GCLC: variants seen among roughly 807,000 people sequenced by gnomAD.
GCLC encodes the protein glutamate-cysteine ligase catalytic subunit.
GCLC carries 30 observed loss-of-function variants against 81.5 expected under a neutral mutation model. The observed-to-expected ratio is 0.37, with a 90% CI of 0.28 to 0.50. GCLC has a LOEUF of 0.50. Ranked by LOEUF, GCLC falls within the 20% of genes least tolerant of loss-of-function variation. The pLI is 0.96. For synonymous variants in GCLC, 262 were observed against 273.3 expected, an observed-to-expected ratio of 0.96 and a Z score of 0.41; for missense variants, 556 against 777.4, an observed-to-expected ratio of 0.72 and a Z score of 3.39.
rs562596328 is a variant in GCLC, at chr6:53,536,160, A to G, written c.150+8336T>C. ...GATGGATCTCAAAATATTTATGTAG[A>G]CTCTAAGAAGGCAGACCAAAAGAGG... On this transcript the variant is annotated intron_variant, in intron 1 of 15. Coordinates refer to ENST00000650454, the MANE Select transcript of GCLC (RefSeq NM_001498.4). Among the ~76,000 whole-genome samples the G allele has an allele frequency of 5.9e-5, 9 of 152,334 alleles. No individual in the cohort carries two copies. The East Asian group carries it at 1.7e-3, about 29-fold the overall frequency.
At chr6:53,514,542 A>G (rs376071415) in intron 4 of GCLC, 45 bp from the exon 5 acceptor site, 3 of 1,361,866 alleles carry the variant, frequency 2.2e-6, no homozygotes, top group Admixed American at 1.7e-5. Context: ...CCTAAGAGTC[A>G]TCGTGTAAAA....
chr6:53,505,491 T>C lies in GCLC; in HGVS notation c.1296A>G (p.Gln432=), dbSNP rs1436498513. The change falls in exon 12 of 16, where the codon CAA becomes CAG. Residue 432 remains glutamine (Q), a synonymous_variant. Transcript: ENST00000650454. ...WRVEFRPMEV[Q]LTDFENSAYV... ...AGGCAGAGTTCTCAAAGTCTGTTAATTGCACCTAGACAAGCAGAAGCCCAG... is the reference window on the plus strand; with the variant it reads ...AGGCAGAGTTCTCAAAGTCTGTTAACTGCACCTAGACAAGCAGAAGCCCAG... The C allele has an allele frequency of 2.6e-6, 4 of 1,547,594 alleles. No homozygotes were observed. Among genetic ancestry groups the C allele is most frequent in the Non-Finnish European group, 3.6e-6 (4 of 1,119,510 alleles).
intron 1 of GCLC, among the ~76,000 whole-genome samples, chr6:53,537,416 T>C (rs1430057264): frequency 2.6e-5 from 4 of 152,356 alleles, no homozygotes; most frequent in Admixed American, 1.3e-4. Context: ...ATCTTTGTAA[T>C]GCCTATTAAG....
At chr6:53,524,840 A>C (rs898040033) in intron 1 of GCLC, among the ~76,000 whole-genome samples, 1 of 152,220 alleles carries the variant, frequency 6.6e-6, no homozygotes, top group Non-Finnish European at 1.5e-5. Flanking sequence ...ACTTTGAAAA[A>C]AATTGAAATC....
intron 3 of GCLC, among the ~76,000 whole-genome samples, chr6:53,517,524 G>C (rs1213394535): frequency 6.6e-6 from 1 of 152,010 alleles, no homozygotes; most frequent in African/African-American, 2.4e-5. Context: ...CAGCTACAAG[G>C]GTTCTTGAGA....
chr6:53,502,712 CTATTT>C (rs1764536351), intron 12 of GCLC, among the ~76,000 whole-genome samples: 1 of 152,086 alleles, frequency 6.6e-6, no homozygotes, highest in African/African-American at 2.4e-5. Context: ...AACTGTGTTG[CTATTT>C]TATATTATCT....
At chr6:53,540,504 G>A (rs954909958) in intron 1 of GCLC, among the ~76,000 whole-genome samples, 2 of 152,154 alleles carry the variant, frequency 1.3e-5, no homozygotes, top group Admixed American at 1.3e-4. Context: ...CAGGAGCTAG[G>A]TGGAGGGGAA....
chr6:53,522,964 G>C (rs1763023428), intron 1 of GCLC, among the ~76,000 whole-genome samples: 1 of 152,188 alleles, frequency 6.6e-6, no homozygotes, highest in African/African-American at 2.4e-5. Flanking sequence ...TACTGGCAGA[G>C]TAATAAGTAA....
intron 1 of GCLC, among the ~76,000 whole-genome samples, chr6:53,534,711 T>C (rs1399258254): frequency 6.6e-6 from 1 of 151,936 alleles, no homozygotes; most frequent in East Asian, 1.9e-4. Flanking sequence ...GGGGAAACCA[T>C]TTACAATAGA....
Position 53,498,767 on chromosome 6 carries a change from A to G in GCLC, c.1903T>C (p.Ser635Pro), listed in dbSNP as rs770514236. Reference sequence around the variant, plus strand: ...TTTCTGTAGAATGTCTAGTTGGATGAGTCAGTTTTACTTCCACTATATTTT... The same window carrying G: ...TTTCTGTAGAATGTCTAGTTGGATGGGTCAGTTTTACTTCCACTATATTTT... ...KVKYSGSKTDSSN is the reference protein window; with the variant it reads ...KVKYSGSKTDPSN The change falls in exon 16 of 16, where the codon TCA becomes CCA. Residue 635 changes from serine (S) to proline (P), a missense_variant. Coordinates refer to ENST00000650454, the MANE Select transcript of GCLC (RefSeq NM_001498.4). 6.3e-6 allele frequency: 10 copies of G among 1,598,190 alleles called. No homozygotes were observed. The highest frequency in any genetic ancestry group is 8.6e-6 in the Non-Finnish European group (10 of 1,166,220).
chr6:53,502,516 G>A (rs143225313), intron 12 of GCLC, among the ~76,000 whole-genome samples: 73 of 152,258 alleles, frequency 4.8e-4, no homozygotes, highest in African/African-American at 1.6e-3. Flanking sequence ...TACATTTCAT[G>A]GTACAAAAAG....
At chr6:53,523,210 T>A (rs1763028802) in intron 1 of GCLC, 1 of 136,590 alleles carries the variant, frequency 7.3e-6, no homozygotes, top group African/African-American at 2.6e-5. Context: ...ATAAAGGACA[T>A]AAACACAAAG....
At chr6:53,530,649 A>G (rs1396145053) in intron 1 of GCLC, among the ~76,000 whole-genome samples, 2 of 152,080 alleles carry the variant, frequency 1.3e-5, no homozygotes, top group African/African-American at 4.8e-5. Flanking sequence ...ACATTACTAA[A>G]CTTGTTAGCA....
Position 53,544,902 on chromosome 6 carries a change from CT to C in GCLC, c.-258del, listed in dbSNP as rs1763425339. The C allele has an allele frequency of 6.5e-6, 2 of 308,556 alleles. No homozygotes were observed. Among genetic ancestry groups the C allele is most frequent in the African/African-American group, 4.4e-5 (2 of 45,640 alleles). 19.1% of individuals were successfully genotyped at this position (308,556 alleles called of 1,614,324 possible). On this transcript the variant is annotated 5_prime_UTR_variant, in exon 1 of 16. Coordinates refer to ENST00000650454, the MANE Select transcript of GCLC (RefSeq NM_001498.4). ...AGAAGACCGAGAGCAGGCGGGACGG[CT>C]CTCGGCCCGGCGGCCTCGCCCTCCC...
At chr6:53,515,163 T>C (rs1326836379) in intron 4 of GCLC, among the ~76,000 whole-genome samples, 3 of 152,260 alleles carry the variant, frequency 2.0e-5, no homozygotes, top group African/African-American at 4.8e-5. Flanking sequence ...AAACAAAATA[T>C]AAAATTATGT....
intron 1 of GCLC, among the ~76,000 whole-genome samples, chr6:53,533,520 G>T (rs1037858488): frequency 3.3e-5 from 5 of 152,078 alleles, no homozygotes; most frequent in Non-Finnish European, 7.3e-5. Flanking sequence ...TTTTTCAGTT[G>T]ATGGTAAAGT....
chr6:53,529,128 C>T (rs1763130700), intron 1 of GCLC, among the ~76,000 whole-genome samples: 1 of 152,142 alleles, frequency 6.6e-6, no homozygotes, highest in South Asian at 2.1e-4. Flanking sequence ...TAGAGTAGAA[C>T]ATTTCTCTTA....
rs1447863493 is a variant in GCLC at position 53,497,650 on chromosome 6, A to G, written c.*1106T>C. The G allele has an allele frequency of 1.7e-5, 1 of 58,836 alleles. No individual in the cohort carries two copies. The highest frequency in any genetic ancestry group is 3.2e-5 in the Non-Finnish European group (1 of 31,330). The allele number at this position is 58,836 out of a possible 1,614,324, so 3.6% of individuals were successfully genotyped here. A position where few individuals can be genotyped will look rare whatever the true frequency, so the allele number is the denominator to read the frequency against. On this transcript the variant is annotated 3_prime_UTR_variant, in exon 16 of 16. Transcript: ENST00000650454. The stretch of plus-strand genomic sequence containing the variant: ...GAAGCAGTTGACTTAACTAGTTGAG[A>G]AAAAAAACAACAAACTTCAACGCAA...
chr6:53,522,527 C>T lies in GCLC; in HGVS notation c.151G>A (p.Val51Met). ...HKDVLKWGDE[V>M]EYMLVSFDHE... ...TCAAAAGATACCAACATGTATTCCACCTATTGAAAATAAAGGTGAGAAAAA... is the reference window on the plus strand; with the variant it reads ...TCAAAAGATACCAACATGTATTCCATCTATTGAAAATAAAGGTGAGAAAAA... Residue 51 changes from valine to methionine, a missense_variant and splice_region_variant, in exon 2 of 16, where the codon GTG becomes ATG. Val to Met is a conservative substitution (Grantham distance 21). Coordinates refer to ENST00000650454, the MANE Select transcript of GCLC (RefSeq NM_001498.4). 6.4e-7 allele frequency: 1 copy of T among 1,573,792 alleles called. No homozygotes were observed. The highest frequency in any genetic ancestry group is 8.7e-7 in the Non-Finnish European group (1 of 1,143,650).
Sources: allele counts gnomAD v4.1 joint callset (sites outside exome capture counted in the v4.1 genomes callset), GRCh38; gene constraint gnomAD v4.1.1; transcripts MANE v1.5; gene names NCBI Gene and HGNC (gene_info 2026-07-23, HGNC 2026-07-21).